The following PCNT variants were observed in gnomAD, a reference collection of about 807,000 sequenced individuals.
PCNT encodes kendrin.
A neutral mutation model predicts 380.4 loss-of-function variants in PCNT; 319 were observed. The ratio of observed to expected loss-of-function variants is 0.84; its 90% confidence interval spans 0.77 to 0.92. The LOEUF is 0.92. PCNT is among the 40% of genes least tolerant of loss of function. The probability of loss-of-function intolerance (pLI) is 0.00; values close to 1 mark genes in which losing one functional copy is unlikely to be tolerated. For synonymous variants in PCNT, 1,845 were observed against 1,735.2 expected (o/e 1.06, Z -1.57); for missense variants, 4,400 against 4,255.3 (o/e 1.03, Z -0.95).
chr21:46,413,381 C>A (rs539995000), intron 29 of PCNT, among the ~76,000 whole-genome samples: 19 of 151,028 alleles, frequency 1.3e-4, no homozygotes, highest in African/African-American at 1.7e-4. Flanking sequence ...CGTGAGGCCC[C>A]CCTGGGAGAG....
At chr21:46,334,942 C>T (rs1410301645) in intron 3 of PCNT, among the ~76,000 whole-genome samples, 174 bp downstream of exon 3, 2 of 152,214 alleles carry the variant, frequency 1.3e-5, no homozygotes, top group East Asian at 1.9e-4. Flanking sequence ...CCACGTGCTG[C>T]CGCCTGCACG....
At chr21:46,418,332 A>G (rs2087112203) in intron 31 of PCNT, 26 bp downstream of exon 31, 10 of 1,330,122 alleles carry the variant, frequency 7.5e-6, no homozygotes, top group Non-Finnish European at 1.1e-5. Flanking sequence ...TTCATTTTTA[A>G]TTTTTTATTT....
intron 41 of PCNT, 87 bp downstream of exon 41, chr21:46,438,424 T>C (rs1265019431): frequency 1.6e-6 from 2 of 1,216,768 alleles, no homozygotes; most frequent in Non-Finnish European, 2.4e-6. Flanking sequence ...CCGGGCTCCC[T>C]TTAGGGACCT....
At chr21:46,347,056 G>T in intron 5 of PCNT, 58 bp downstream of exon 5, 1 of 1,559,094 alleles carries the variant, frequency 6.4e-7, no homozygotes, top group East Asian at 2.3e-5. Context: ...GCATTCTAGT[G>T]CCTGTTCCCT....
rs931400517 is a variant in PCNT, at chr21:46,353,182, A to G, written c.1535A>G (p.His512Arg). 3 of 1,614,168 alleles carry G rather than the reference A, an allele frequency of 1.9e-6. No homozygotes were observed. Among genetic ancestry groups the G allele is most frequent in the Non-Finnish European group, 2.5e-6 (3 of 1,180,038 alleles). ...CTGAAGCAGCGAGAAAAAACCCAGC[A>G]TGAGTCCGAACTGGAGCAACTGAGG... ...EQLKQREKTQHESELEQLRIY... is the reference protein window; with the variant it reads ...EQLKQREKTQRESELEQLRIY... The change falls in exon 10 of 47, where the codon CAT (histidine) becomes CGT (arginine). Residue 512 changes from histidine (H) to arginine (R), a missense_variant. Physicochemically the swap from His to Arg is conservative, Grantham distance 29 (BLOSUM62 0). Coordinates refer to ENST00000359568, the MANE Select transcript of PCNT (RefSeq NM_006031.6).
chr21:46,392,992 T>G (rs1473674175), intron 21 of PCNT, among the ~76,000 whole-genome samples: 3 of 152,246 alleles, frequency 2.0e-5, no homozygotes, highest in African/African-American at 4.8e-5. Context: ...CTTCTTTTAG[T>G]CATTTAGCCA....
At chr21:46,436,488 C>CCG (rs780787234) in intron 39 of PCNT, among the ~76,000 whole-genome samples, 1 of 87,580 alleles carries the variant, frequency 1.1e-5, no homozygotes, top group Non-Finnish European at 2.9e-5. Flanking sequence ...CCCCCCCCCC[C>CCG]GCTGGCACTG....
At chr21:46,424,997 G>T (rs1291251371) in intron 32 of PCNT, among the ~76,000 whole-genome samples, 1 of 152,070 alleles carries the variant, frequency 6.6e-6, no homozygotes, top group African/African-American at 2.4e-5. Flanking sequence ...CCCGTCGTAG[G>T]CTTCATCATT....
Position 46,381,722 on chromosome 21 carries a change from C to G in PCNT, c.3194C>G (p.Ala1065Gly). Residue 1065 changes from alanine (A) to glycine (G), a missense_variant, in exon 16 of 47, where the codon GCT becomes GGT. Transcript: ENST00000359568. The stretch of plus-strand genomic sequence containing the variant: ...GAATTTGGAAGTGAAAAGAAAACTG[C>G]TTTGCATGAAAAAGAGGAGACACTT... ...QGEFGSEKKT[A>G]LHEKEETLRL... The G allele has an allele frequency of 6.2e-7, 1 of 1,614,056 alleles. No homozygotes were observed. Among genetic ancestry groups the G allele is most frequent in the Non-Finnish European group, 8.5e-7 (1 of 1,179,884 alleles).
chr21:46,427,602 TTTCTTCC>T lies in PCNT; in HGVS notation c.7321-10_7321-4del. The T allele has an allele frequency of 6.2e-7, 1 of 1,613,810 alleles. No homozygotes were observed. Among genetic ancestry groups the T allele is most frequent in the Non-Finnish European group, 8.5e-7 (1 of 1,180,000 alleles). ...CAGGTGCATTTGTGAGGACGCCACGTTTCTTCCTTCTTCCTTTAGGAAGTGCCCACCG... is the reference window on the plus strand; with the variant it reads ...CAGGTGCATTTGTGAGGACGCCACGTTTCTTCCTTTAGGAAGTGCCCACCG... On this transcript the variant is annotated splice_polypyrimidine_tract_variant and intron_variant, in intron 33 of 46. Transcript: ENST00000359568.
chr21:46,365,557 G>GTGGGGTTCTGTTCACTCCCA (rs2084887417), intron 14 of PCNT, among the ~76,000 whole-genome samples: 9 of 70,448 alleles, frequency 1.3e-4, no homozygotes, highest in East Asian at 6.8e-4. Flanking sequence ...GATCACTGCC[G>GTGGGGTTCTGTTCACTCCCA]TGGGGTTCTG....
chr21:46,351,143 G>A (rs776378536), intron 8 of PCNT, among the ~76,000 whole-genome samples: 17 of 152,142 alleles, frequency 1.1e-4, no homozygotes, highest in East Asian at 3.9e-4. Context: ...GCACCGCTGC[G>A]GCCGGCATGG....
In PCNT at chr21:46,435,899, A is replaced by C. The variant is rs149444205; in HGVS notation, c.8752-5A>C. 12,760 of 1,614,088 alleles carry C rather than the reference A, an allele frequency of 7.9e-3. 71 individuals carry two copies. The highest frequency in any genetic ancestry group is 0.018 in the South Asian group (1,651 of 91,064). ...TCTTCTCTGTCTTTTTTCTGTTAAC[A>C]ACAGCGAGAATTAGAACTGCAGCGT... On this transcript the variant is annotated splice_polypyrimidine_tract_variant and splice_region_variant and intron_variant, in intron 38 of 46. Transcript: ENST00000359568.
chr21:46,346,887 G>A lies in PCNT; in HGVS notation c.865G>A (p.Ala289Thr). The A allele has an allele frequency of 6.2e-7, 1 of 1,607,114 alleles. No homozygotes were observed. The change falls in exon 5 of 47, where the codon GCC (alanine) becomes ACC (threonine). Residue 289 changes from alanine (A) to threonine (T), a missense_variant. By Grantham distance (58) the Ala-to-Thr change is moderately conservative (BLOSUM62 0). Transcript: ENST00000359568. Reference sequence around the variant, plus strand: ...GCGGGAGATGCTCAACAGCCGGCGTGCCCAGGAGCTGGCCCTGCTACAGAG... The same window carrying A: ...GCGGGAGATGCTCAACAGCCGGCGTACCCAGGAGCTGGCCCTGCTACAGAG... The part of the protein sequence containing the change: ...ELREMLNSRR[A>T]QELALLQSRQ...
intron 38 of PCNT, among the ~76,000 whole-genome samples, chr21:46,432,775 C>G (rs2087823304): frequency 6.6e-6 from 1 of 152,108 alleles, no homozygotes; most frequent in Non-Finnish European, 1.5e-5. Context: ...CAGGCACATG[C>G]CACCACGCCT....
chr21:46,336,927 G>A (rs1314225877), intron 3 of PCNT, among the ~76,000 whole-genome samples: 1 of 151,904 alleles, frequency 6.6e-6, no homozygotes, highest in Admixed American at 6.6e-5. Context: ...ATAGTGAGAA[G>A]CCTGGCTCTC....
At chr21:46,404,405 G>A (rs1170262136) in intron 27 of PCNT, among the ~76,000 whole-genome samples, 4 of 138,744 alleles carry the variant, frequency 2.9e-5, no homozygotes, top group East Asian at 1.9e-4. Context: ...CATTTCCACC[G>A]GCATTTCTGC....
rs1439619306 is a variant in PCNT, at chr21:46,427,604, TCTTC to T, written c.7321-13_7321-10del. On this transcript the variant is annotated splice_polypyrimidine_tract_variant and intron_variant, in intron 33 of 46. Transcript: ENST00000359568. ...GGTGCATTTGTGAGGACGCCACGTT[TCTTC>T]CTTCTTCCTTTAGGAAGTGCCCACC... The T allele has an allele frequency of 4.3e-6, 7 of 1,613,846 alleles. No homozygotes were observed. Among genetic ancestry groups the T allele is most frequent in the Non-Finnish European group, 5.9e-6 (7 of 1,180,014 alleles).
intron 16 of PCNT, 28 bp downstream of exon 16, chr21:46,381,868 A>T: frequency 6.2e-7 from 1 of 1,612,612 alleles, no homozygotes; most frequent in South Asian, 1.1e-5. Flanking sequence ...TTCCCTTGTG[A>T]TAAGACGTGT....
Sources: gnomAD v4.1 joint callset for allele counts (sites outside exome capture counted in the v4.1 genomes callset) on GRCh38, gnomAD v4.1.1 for gene constraint, MANE v1.5 for transcripts, NCBI Gene and HGNC (gene_info 2026-07-23, HGNC 2026-07-21) for gene names.